DENND1A: variants seen among roughly 807,000 people sequenced by gnomAD.
DENND1A encodes the protein DENN domain-containing protein 1A.
Under a neutral mutation model 113.7 loss-of-function variants are expected in DENND1A, and 51 were observed. The ratio of observed to expected loss-of-function variants is 0.45; its 90% CI spans 0.36 to 0.57. The LOEUF is 0.57. Among genes scored for constraint, DENND1A ranks in the 20% least tolerant of loss-of-function variants. The probability of loss-of-function intolerance (pLI) is 0.00; values close to 1 mark genes in which losing one functional copy is unlikely to be tolerated. For synonymous variants in DENND1A, 565 were observed against 570.8 expected, an observed-to-expected ratio of 0.99 and a Z score of 0.14; for missense variants, 1,258 against 1,395.9, an observed-to-expected ratio of 0.90 and a Z score of 1.57.
intron 2 of DENND1A, among the ~76,000 whole-genome samples, chr9:123,829,784 C>G (rs984019433): frequency 6.6e-6 from 1 of 152,040 alleles, no homozygotes; most frequent in Non-Finnish European, 1.5e-5. Flanking sequence ...GTAAGTTCTT[C>G]CAACCTTTTA....
At chr9:123,492,752 C>T (rs145776755) in intron 13 of DENND1A, 1 of 152,258 alleles carries the variant, frequency 6.6e-6, no homozygotes, top group African/African-American at 2.4e-5. Context: ...GCAGCTAAGC[C>T]CGTTAGCAGG....
rs191310611 is a variant in DENND1A at position 123,517,377 on chromosome 9, C to G, written c.993+40193G>C. On this transcript the variant is annotated intron_variant, in intron 13 of 23. Coordinates refer to ENST00000394215, the MANE Select transcript of DENND1A (RefSeq NM_001352964.2). ...GGCTCATGCCTGTAATCCCAGCACT[C>G]GGGAGGCCAAGGTGGGTGGATCACT... is the stretch of plus-strand genomic sequence containing the variant. 1.5e-3 allele frequency among the ~76,000 whole-genome samples: 233 copies of G among 152,026 alleles called. 2 individuals carry two copies. Among genetic ancestry groups the G allele is most frequent in the Non-Finnish European group, 2.9e-3 (194 of 67,950 alleles).
intron 8 of DENND1A, among the ~76,000 whole-genome samples, chr9:123,658,350 C>T (rs2063069244): frequency 6.6e-6 from 1 of 152,138 alleles, no homozygotes; most frequent in Non-Finnish European, 1.5e-5. Flanking sequence ...TACTACATAA[C>T]TGTTCATGAT....
Position 123,546,367 on chromosome 9 carries a change from T to C in DENND1A, c.993+11203A>G, listed in dbSNP as rs1200248957. Among the ~76,000 whole-genome samples, 5 of 151,314 alleles carry C rather than the reference T, an allele frequency of 3.3e-5. 1 individual carries two copies. Among genetic ancestry groups the C allele is most frequent in the Non-Finnish European group, 2.9e-5 (2 of 67,898 alleles). ...ATCAAGACCATCCTGGCTAACACAG[T>C]GAAACCCCGTCTCTACTAAAAATAC... is the stretch of plus-strand genomic sequence containing the variant. On this transcript the variant is annotated intron_variant, in intron 13 of 23. Coordinates refer to ENST00000394215, the MANE Select transcript of DENND1A (RefSeq NM_001352964.2).
intron 12 of DENND1A, among the ~76,000 whole-genome samples, chr9:123,562,068 C>CCCA (rs747919726): frequency 1.2e-3 from 186 of 152,244 alleles, no homozygotes; most frequent in Non-Finnish European, 2.1e-3. Flanking sequence ...CATATCTGTC[C>CCCA]TAGTAATCTT....
intron 5 of DENND1A, among the ~76,000 whole-genome samples, chr9:123,733,909 A>C (rs1589855453): frequency 6.6e-6 from 1 of 151,850 alleles, no homozygotes; most frequent in African/African-American, 2.4e-5. Flanking sequence ...CTCGTAATCC[A>C]CCTGCCTCAG....
intron 18 of DENND1A, 151 bp from the exon 19 acceptor site, chr9:123,440,642 T>C: frequency 9.2e-7 from 1 of 1,091,068 alleles, no homozygotes. Flanking sequence ...GAGGGCTAAC[T>C]TGGCTCTTTG....
intron 13 of DENND1A, among the ~76,000 whole-genome samples, chr9:123,458,627 T>C (rs1428008777): frequency 2.6e-5 from 4 of 152,146 alleles, no homozygotes; most frequent in African/African-American, 9.7e-5. Flanking sequence ...TTTTCACTTT[T>C]AGCAGCGGAA....
In DENND1A at chr9:123,639,752, G is replaced by C. The variant is rs537933753; in HGVS notation, c.619-9276C>G. ...AGATCTCGCCACTGCACTCTAGCCTGGGCAACAAGAACGAAACTCCATCTC... is the reference window on the plus strand; with the variant it reads ...AGATCTCGCCACTGCACTCTAGCCTCGGCAACAAGAACGAAACTCCATCTC... On this transcript the variant is annotated intron_variant, in intron 9 of 23. Transcript: ENST00000394215. Among the ~76,000 whole-genome samples, 4 of 149,242 alleles carry C rather than the reference G, an allele frequency of 2.7e-5. No homozygotes were observed. In the South Asian group the frequency reaches 8.5e-4, roughly 32 times the overall value.
intron 11 of DENND1A, among the ~76,000 whole-genome samples, chr9:123,591,147 C>T (rs185615779): frequency 6.6e-6 from 1 of 152,142 alleles, no homozygotes; most frequent in African/African-American, 2.4e-5. Flanking sequence ...TTTCTGTAGC[C>T]AAGATGGTAT....
intron 5 of DENND1A, among the ~76,000 whole-genome samples, chr9:123,716,275 A>G (rs1014068624): frequency 1.3e-5 from 2 of 152,202 alleles, no homozygotes; most frequent in Non-Finnish European, 2.9e-5. Flanking sequence ...TCAAGTAGAG[A>G]GTAGACCCAT....
chr9:123,642,807 G>A (rs1196304142), intron 9 of DENND1A, among the ~76,000 whole-genome samples: 1 of 152,244 alleles, frequency 6.6e-6, no homozygotes, highest in African/African-American at 2.4e-5. Flanking sequence ...AAGGGCGGCA[G>A]ATAAGCAAAC....
At chr9:123,878,735 T>C (rs1219641461) in intron 2 of DENND1A, among the ~76,000 whole-genome samples, 1 of 152,192 alleles carries the variant, frequency 6.6e-6, no homozygotes, top group African/African-American at 2.4e-5. Flanking sequence ...AAGCCATACT[T>C]CAAGCCTATT....
intron 5 of DENND1A, among the ~76,000 whole-genome samples, chr9:123,678,225 T>C (rs2064216777): frequency 6.6e-6 from 1 of 152,208 alleles, no homozygotes; most frequent in Non-Finnish European, 1.5e-5. Context: ...TCACTTTGTC[T>C]TTCCGGTGCC....
At chr9:123,623,422 C>T (rs1472233652) in intron 10 of DENND1A, among the ~76,000 whole-genome samples, 1 of 152,156 alleles carries the variant, frequency 6.6e-6, no homozygotes, top group Non-Finnish European at 1.5e-5. Context: ...TATTGCAGAT[C>T]ACAGAGTTAA....
intron 9 of DENND1A, among the ~76,000 whole-genome samples, chr9:123,638,834 T>C (rs931515766): frequency 2.6e-5 from 4 of 151,618 alleles, no homozygotes; most frequent in African/African-American, 7.3e-5. Flanking sequence ...AAATCTAGTC[T>C]AAGTGGATAT....
At chr9:123,655,567 G>A (rs1307922237) in intron 8 of DENND1A, among the ~76,000 whole-genome samples, 1 of 152,186 alleles carries the variant, frequency 6.6e-6, no homozygotes, top group Non-Finnish European at 1.5e-5. Flanking sequence ...AGGGAGGGGT[G>A]ACTTTTCATG....
chr9:123,580,091 T>G (rs576307895), intron 12 of DENND1A, among the ~76,000 whole-genome samples: 211 of 152,338 alleles, frequency 1.4e-3, no homozygotes, highest in Non-Finnish European at 2.6e-3. Context: ...ATTTCTTGAA[T>G]GCTGACAACA....
At chr9:123,795,282 C>CA (rs1833596165) in intron 2 of DENND1A, among the ~76,000 whole-genome samples, 2 of 152,178 alleles carry the variant, frequency 1.3e-5, no homozygotes, top group Non-Finnish European at 2.9e-5. Context: ...AAGATTAACA[C>CA]AAAAACTGCA....
Sources: allele counts gnomAD v4.1 joint callset (sites outside exome capture counted in the v4.1 genomes callset), GRCh38; gene constraint gnomAD v4.1.1; transcripts MANE v1.5; gene names NCBI Gene and HGNC (gene_info 2026-07-23, HGNC 2026-07-21).